The following ATXN1 variants were observed in gnomAD, a reference collection of about 807,000 sequenced individuals.
The protein encoded by ATXN1 is ataxin 1.
ATXN1 carries 8 observed loss-of-function variants against 56.4 expected under a neutral mutation model. The ratio of observed to expected loss-of-function variants is 0.14; its 90% CI spans 0.08 to 0.26. ATXN1 has a LOEUF of 0.26. Among genes scored for constraint, ATXN1 ranks in the 10% least tolerant of loss-of-function variants. The pLI is 1.00. For synonymous variants in ATXN1, 514 were observed against 494.6 expected (o/e 1.04, Z -0.52); for missense variants, 987 against 1,106.5 (o/e 0.89, Z 1.53).
At chr6:16,324,075 G>A (rs1373953271) in intron 7 of ATXN1, among the ~76,000 whole-genome samples, 28 of 152,070 alleles carry the variant, frequency 1.8e-4, no homozygotes, top group Non-Finnish European at 1.5e-5. Flanking sequence ...CTTTGTGCAA[G>A]CCCCCATATC....
chr6:16,421,240 G>T (rs1456684632), intron 6 of ATXN1, among the ~76,000 whole-genome samples: 4 of 152,100 alleles, frequency 2.6e-5, no homozygotes, highest in African/African-American at 9.7e-5. Context: ...GAGAAGACAT[G>T]AGTTCACATG....
At chr6:16,621,247 G>A (rs1168401840) in intron 3 of ATXN1, among the ~76,000 whole-genome samples, 3 of 152,118 alleles carry the variant, frequency 2.0e-5, no homozygotes, top group African/African-American at 4.8e-5. Flanking sequence ...ACACCTTGTC[G>A]GCTGCTCTCA....
At chr6:16,630,096 C>T (rs28423057) in intron 3 of ATXN1, among the ~76,000 whole-genome samples, 10,158 of 152,080 alleles carry the variant, frequency 0.067, 620 homozygotes, top group African/African-American at 0.16. Flanking sequence ...CATGTCTGTA[C>T]GGGCAGAATC....
intron 6 of ATXN1, among the ~76,000 whole-genome samples, chr6:16,448,351 G>A (rs142937046): frequency 7.9e-5 from 12 of 152,160 alleles, no homozygotes; most frequent in East Asian, 5.8e-4. Flanking sequence ...CTCTTCCCTC[G>A]CCCCTCTGAT....
At chr6:16,712,054 G>A (rs1371984087) in intron 2 of ATXN1, among the ~76,000 whole-genome samples, 1 of 152,084 alleles carries the variant, frequency 6.6e-6, no homozygotes, top group Admixed American at 6.6e-5. Context: ...GGTTGATGAC[G>A]GGGAGGTGGA....
intron 4 of ATXN1, among the ~76,000 whole-genome samples, chr6:16,556,843 T>A (rs1268544390): frequency 6.6e-6 from 1 of 152,240 alleles, no homozygotes; most frequent in Non-Finnish European, 1.5e-5. Context: ...TTATAAATGC[T>A]ATGATCTGAG....
At position 16,474,835 on chromosome 6, in the gene ATXN1, TACAC is replaced by T. The variant is rs80085771; in HGVS notation, c.-161+11133_-161+11136del. Among the ~76,000 whole-genome samples the T allele has an allele frequency of 5.0e-3, 738 of 146,822 alleles. 4 individuals carry two copies. Among genetic ancestry groups the T allele is most frequent in the Admixed American group, 9.2e-3 (134 of 14,578 alleles). ...CTAGCCTGTAGCATATGTGTGTGCA[TACAC>T]ACACACACACACACACACACACACA... On this transcript the variant is annotated intron_variant, in intron 6 of 7. Transcript: ENST00000436367.
intron 3 of ATXN1, among the ~76,000 whole-genome samples, chr6:16,625,352 CATT>C (rs1763389450): frequency 6.6e-6 from 1 of 152,158 alleles, no homozygotes; most frequent in Non-Finnish European, 1.5e-5. Context: ...ATTTTTCCAT[CATT>C]AAGAATCTTC....
chr6:16,347,864 C>T (rs146083133), intron 6 of ATXN1, among the ~76,000 whole-genome samples: 100 of 152,028 alleles, frequency 6.6e-4, no homozygotes, highest in African/African-American at 2.3e-3. Flanking sequence ...CCTTTCCACA[C>T]TGTGGAAGCT....
intron 2 of ATXN1, among the ~76,000 whole-genome samples, chr6:16,748,056 C>T (rs1760592211): frequency 6.6e-6 from 1 of 152,190 alleles, no homozygotes; most frequent in Non-Finnish European, 1.5e-5. Context: ...CTCGCTGAGA[C>T]TCTTGATGCT....
chr6:16,632,296 G>A (rs1561786663), intron 3 of ATXN1, among the ~76,000 whole-genome samples: 1 of 152,158 alleles, frequency 6.6e-6, no homozygotes, highest in Non-Finnish European at 1.5e-5. Flanking sequence ...ACCTTGCAAC[G>A]TTTGCTCGTG....
chr6:16,520,142 C>A (rs921512916), intron 5 of ATXN1, among the ~76,000 whole-genome samples: 2 of 152,138 alleles, frequency 1.3e-5, no homozygotes, highest in Non-Finnish European at 2.9e-5. Context: ...TAAAGAGATA[C>A]CATTGATGGT....
At chr6:16,726,955 C>T (rs1188303711) in intron 2 of ATXN1, among the ~76,000 whole-genome samples, 1 of 152,212 alleles carries the variant, frequency 6.6e-6, no homozygotes, top group Non-Finnish European at 1.5e-5. Flanking sequence ...ACTGAACATA[C>T]TACTTTCTGG....
chr6:16,400,912 C>T (rs1758554245), intron 6 of ATXN1, among the ~76,000 whole-genome samples: 1 of 151,974 alleles, frequency 6.6e-6, no homozygotes, highest in South Asian at 2.1e-4. Flanking sequence ...AGGGCCAATC[C>T]GTGGAAATGA....
intron 2 of ATXN1, among the ~76,000 whole-genome samples, chr6:16,709,095 A>G (rs965731364): frequency 1.3e-5 from 2 of 152,078 alleles, no homozygotes; most frequent in East Asian, 1.9e-4. Context: ...CAAAGTAGGG[A>G]AAAAGAAGGA....
rs1015478343 is a variant in ATXN1, at chr6:16,306,477, G to A, written c.2300C>T (p.Ala767Val). The change falls in exon 8 of 8, where the codon GCG (alanine) becomes GTG (valine). Residue 767 changes from alanine (A) to valine (V), a missense_variant. This residue lies in a region of ATXN1 where 196 missense variants were observed against 196.7 expected (regional missense o/e 1.00). Transcript: ENST00000436367. This position sits in a 1 kb window ranked among gnomAD's most constrained non-coding sequence, Gnocchi z 5.2. ...CGACCACCTCCTCTTCCTCGTTGCC[G>A]CGGGCTTGCTGGGTTCTATTTTGGT... ...FLTKIEPSKP[A>V]ATRKRRWSAP... The A allele has an allele frequency of 1.2e-6, 2 of 1,614,098 alleles. No individual in the cohort carries two copies. Among genetic ancestry groups the A allele is most frequent in the Non-Finnish European group, 8.5e-7 (1 of 1,180,028 alleles).
At chr6:16,331,798 T>A (rs1373805971) in intron 6 of ATXN1, among the ~76,000 whole-genome samples, 1 of 152,192 alleles carries the variant, frequency 6.6e-6, no homozygotes, top group Non-Finnish European at 1.5e-5. Context: ...ACTAGAAAAC[T>A]CCTCTGAAGG....
chr6:16,718,700 A>G (rs1389150244), intron 2 of ATXN1, among the ~76,000 whole-genome samples: 1 of 152,246 alleles, frequency 6.6e-6, no homozygotes, highest in African/African-American at 2.4e-5. Context: ...GAGTTTTAAC[A>G]CTGTGATTTT....
intron 6 of ATXN1, among the ~76,000 whole-genome samples, chr6:16,475,222 A>G (rs537154234): frequency 1.3e-5 from 2 of 152,286 alleles, no homozygotes; most frequent in East Asian, 3.9e-4. Flanking sequence ...CACTGTCATA[A>G]TTATTCTACT....
Sources: gnomAD v4.1 joint callset for allele counts (sites outside exome capture counted in the v4.1 genomes callset) on GRCh38, gnomAD v4.1.1 for gene constraint, gnomAD v4.1.1 regional missense constraint, Gnocchi (gnomAD v3.1) non-coding constraint, MANE v1.5 for transcripts, NCBI Gene and HGNC (gene_info 2026-07-23, HGNC 2026-07-21) for gene names.